Variants in ZFAND4 observed in about 807,000 individuals in gnomAD.
The protein encoded by ZFAND4 is AN1-type zinc finger protein 4.
ZFAND4 carries 43 observed loss-of-function variants against 64.4 expected under a neutral mutation model. That is an observed-to-expected ratio of 0.67 (90% CI 0.52 to 0.86). The LOEUF (loss-of-function observed/expected upper bound fraction) is 0.86. ZFAND4 is among the 40% of genes least tolerant of loss of function. The probability of loss-of-function intolerance (pLI) is 0.00; values close to 1 mark genes in which losing one functional copy is unlikely to be tolerated. For missense variants in ZFAND4, 929 were observed against 859.8 expected (o/e 1.08, Z -1.01); for synonymous variants, 296 against 305.7 (o/e 0.97, Z 0.33).
In ZFAND4 at chr10:45,663,632, T is replaced by G. The variant is rs746504252; in HGVS notation, c.94A>C (p.Ile32Leu). 1 of 1,611,710 alleles carries G rather than the reference T, an allele frequency of 6.2e-7. No individual in the cohort carries two copies. Among genetic ancestry groups the G allele is most frequent in the Admixed American group, 1.7e-5 (1 of 59,480 alleles). Residue 32 changes from isoleucine (I) to leucine (L), a missense_variant, in exon 2 of 10, where the codon ATT (isoleucine) becomes CTT (leucine). Coordinates refer to ENST00000344646, the MANE Select transcript of ZFAND4 (RefSeq NM_174890.4). ...LHFCDTMELF[I>L]ETLTGTCFEL... is the part of the protein sequence containing the mutation. ...AAACATGTTCCAGTTAATGTTTCAA[T>G]GAAGAGCTCCATGGTATCACAGAAA...
At chr10:45,618,640 TTC>T (rs1465201788) in intron 8 of ZFAND4, among the ~76,000 whole-genome samples, 9 of 152,214 alleles carry the variant, frequency 5.9e-5, no homozygotes, top group East Asian at 1.9e-4. Context: ...AATATAAATA[TTC>T]TGTTTGTTCA....
intron 8 of ZFAND4, among the ~76,000 whole-genome samples, chr10:45,622,914 A>G (rs1386526631): frequency 6.7e-6 from 1 of 149,730 alleles, no homozygotes; most frequent in Admixed American, 6.7e-5. Flanking sequence ...GGTTTCGGGG[A>G]AAAAAAAAAC....
At chr10:45,667,811 G>C (rs934692159) in intron 1 of ZFAND4, among the ~76,000 whole-genome samples, 8 of 152,212 alleles carry the variant, frequency 5.3e-5, no homozygotes, top group Admixed American at 5.2e-4. Context: ...GGAACCTTCA[G>C]TACAAGATTG....
intron 8 of ZFAND4, 91 bp downstream of exon 8, chr10:45,624,492 G>T (rs1387895538): frequency 2.6e-6 from 3 of 1,164,220 alleles, no homozygotes; most frequent in Non-Finnish European, 3.8e-6. Flanking sequence ...CCACAGAGAA[G>T]GTTCTTCCCA....
chr10:45,620,397 C>T (rs568523842), intron 8 of ZFAND4, among the ~76,000 whole-genome samples: 63 of 152,272 alleles, frequency 4.1e-4, no homozygotes, highest in African/African-American at 1.4e-3. Flanking sequence ...AGAAGAATCA[C>T]TTCAACCCGC....
chr10:45,661,942 A>G (rs567942714), intron 2 of ZFAND4, among the ~76,000 whole-genome samples: 6 of 117,436 alleles, frequency 5.1e-5, no homozygotes, highest in South Asian at 5.1e-4. Flanking sequence ...CGTCTCGAAG[A>G]AAAAAAAAAA....
intron 2 of ZFAND4, among the ~76,000 whole-genome samples, chr10:45,658,912 C>A (rs189825268): frequency 1.2e-4 from 19 of 152,274 alleles, no homozygotes; most frequent in Admixed American, 1.1e-3. Context: ...AACCGAAAAC[C>A]AACAACTTTT....
At chr10:45,633,737 T>A (rs1357827380) in intron 6 of ZFAND4, among the ~76,000 whole-genome samples, 1 of 152,066 alleles carries the variant, frequency 6.6e-6, no homozygotes, top group Non-Finnish European at 1.5e-5. Flanking sequence ...ATCATCTGTG[T>A]AGTATTCCTA....
Position 45,625,674 on chromosome 10 carries a change from T to C in ZFAND4, c.1872+277A>G, listed in dbSNP as rs552615095. Among the ~76,000 whole-genome samples the C allele has an allele frequency of 3.9e-5, 6 of 152,262 alleles. No individual in the cohort carries two copies. In the East Asian group the frequency reaches 1.2e-3, roughly 29 times the overall value. On this transcript the variant is annotated intron_variant, in intron 7 of 9. Transcript: ENST00000344646. ...AGGAGGCTAAGGCAGGAGGATTGCT[T>C]GAGCCCAGGAGTTTGAGGAGTACAA...
chr10:45,652,128 C>T (rs2047799569), intron 3 of ZFAND4, 95 bp from the exon 4 acceptor site: 1 of 1,134,502 alleles, frequency 8.8e-7, no homozygotes, highest in Non-Finnish European at 1.3e-6. Flanking sequence ...GGCAGAGTGG[C>T]CACTCTCTAA....
chr10:45,652,560 A>G (rs2047828963), intron 3 of ZFAND4, among the ~76,000 whole-genome samples: 1 of 152,216 alleles, frequency 6.6e-6, no homozygotes. Flanking sequence ...TGGTGCACAC[A>G]GCATTGCTTA....
At position 45,626,812 on chromosome 10, in the gene ZFAND4, T is replaced by C; in HGVS notation, c.1011A>G (p.Leu337=). Residue 337 remains leucine (L), a synonymous_variant, in exon 7 of 10, where the codon CTA becomes CTG. Transcript: ENST00000344646. The stretch of plus-strand genomic sequence containing the variant: ...ACTCCAAATGGGGTATCTGAGGAGG[T>C]AGTTTGACGTTGCTACTGAAGTGAG... ...TLSHFSSNVK[L]PPQIPHLELG... 1 of 1,614,150 alleles carries C rather than the reference T, an allele frequency of 6.2e-7. No individual in the cohort carries two copies.
At chr10:45,617,129 A>T (rs1478169689) in intron 9 of ZFAND4, among the ~76,000 whole-genome samples, 1 of 152,088 alleles carries the variant, frequency 6.6e-6, no homozygotes, top group Non-Finnish European at 1.5e-5. Flanking sequence ...GAACTCTATC[A>T]GTAGTAAAAC....
At position 45,648,612 on chromosome 10, in the gene ZFAND4, T is replaced by C. The variant is rs561135810; in HGVS notation, c.329-78A>G. 3.0e-4 allele frequency: 447 copies of C among 1,467,282 alleles called. 3 individuals carry two copies. In the South Asian group the frequency reaches 5.0e-3, roughly 16 times the overall value. The allele number at this position is 1,467,282 out of a possible 1,614,324, so 90.9% of individuals were successfully genotyped here. On this transcript the variant is annotated intron_variant, in intron 4 of 9. Transcript: ENST00000344646. ...CTTGGTACAGTGACAGGATATAATA[T>C]ACTGAATTTGAACAACAGTCCTGTG...
intron 6 of ZFAND4, among the ~76,000 whole-genome samples, chr10:45,634,015 CATA>C (rs376170838): frequency 2.6e-4 from 39 of 152,196 alleles, no homozygotes; most frequent in African/African-American, 8.7e-4. Flanking sequence ...ATATAGATGA[CATA>C]ATGTGTATCA....
chr10:45,615,990 A>G lies in ZFAND4; in HGVS notation c.*446T>C, dbSNP rs1242878561. ...AAAATCTCCACCCATCCCACCTCTG[A>G]AAAAAAAAGAAGGAGAAGAATAAAA... On this transcript the variant is annotated 3_prime_UTR_variant, in exon 10 of 10. Transcript: ENST00000344646. 4 of 151,710 alleles carry G rather than the reference A, an allele frequency of 2.6e-5. No individual in the cohort carries two copies. The highest frequency in any genetic ancestry group is 9.7e-5 in the African/African-American group (4 of 41,182). The allele number at this position is 151,710 out of a possible 1,614,324, so 9.4% of individuals were successfully genotyped here.
chr10:45,670,999 C>T (rs541488015), intron 1 of ZFAND4, among the ~76,000 whole-genome samples: 3 of 152,106 alleles, frequency 2.0e-5, no homozygotes, highest in Admixed American at 6.5e-5. Flanking sequence ...AAAAAACAAC[C>T]GCATCAAAAA....
At chr10:45,619,870 C>T (rs886368259) in intron 8 of ZFAND4, among the ~76,000 whole-genome samples, 2 of 152,114 alleles carry the variant, frequency 1.3e-5, no homozygotes, top group African/African-American at 2.4e-5. Flanking sequence ...AGTTAATAAA[C>T]GTTTTCTTTC....
At chr10:45,640,528 G>A in intron 5 of ZFAND4, 2 of 817,510 alleles carry the variant, frequency 2.4e-6, no homozygotes, top group Non-Finnish European at 3.2e-6. Flanking sequence ...TCTCACTCTT[G>A]TCGCCAGGCT....
Sources: gnomAD v4.1 joint callset for allele counts (sites outside exome capture counted in the v4.1 genomes callset) on GRCh38, gnomAD v4.1.1 for gene constraint, MANE v1.5 for transcripts, NCBI Gene and HGNC (gene_info 2026-07-23, HGNC 2026-07-21) for gene names.